Variants in PTPN6 observed in about 807,000 individuals in gnomAD.
The protein encoded by PTPN6 is protein tyrosine phosphatase non-receptor type 6.
Under a neutral mutation model 81.5 loss-of-function variants are expected in PTPN6, and 18 were observed. The ratio of observed to expected loss-of-function variants is 0.22; its 90% CI spans 0.15 to 0.33. The LOEUF (loss-of-function observed/expected upper bound fraction) is 0.33. PTPN6 is among the 10% of genes least tolerant of loss of function. The pLI is 1.00. For missense variants in PTPN6, 500 were observed against 794.2 expected (o/e 0.63, Z 4.45); for synonymous variants, 301 against 310.9 (o/e 0.97, Z 0.33).
rs2138259682 is a variant in PTPN6 at position 6,951,810 on chromosome 12, TC to T, written c.131+83del. Reference sequence around the variant, plus strand: ...AGGCCCTGAACCACTCATTCCTGGTTCCCCGTGGCAGTGCTGACTCCCCGTC... The same window carrying T: ...AGGCCCTGAACCACTCATTCCTGGTTCCCGTGGCAGTGCTGACTCCCCGTC... On this transcript the variant is annotated intron_variant, in intron 2 of 15. Coordinates refer to ENST00000318974, the MANE Select transcript of PTPN6 (RefSeq NM_002831.6). This position sits in a 1 kb window ranked among gnomAD's most constrained non-coding sequence, Gnocchi z 7.2. 4.4e-6 allele frequency: 7 copies of T among 1,600,286 alleles called. No individual in the cohort carries two copies. The highest frequency in any genetic ancestry group is 1.7e-5 in the Admixed American group (1 of 60,008).
In PTPN6 at chr12:6,956,976, A is replaced by T. The variant is rs1375438397; in HGVS notation, c.1074+408A>T. Among the ~76,000 whole-genome samples, 1 of 152,018 alleles carries T rather than the reference A, an allele frequency of 6.6e-6. No individual in the cohort carries two copies. The highest frequency in any genetic ancestry group is 1.5e-5 in the Non-Finnish European group (1 of 68,000). On this transcript the variant is annotated intron_variant, in intron 9 of 15. Transcript: ENST00000318974. The surrounding 1 kb of genome is among the most constrained non-coding windows in gnomAD (Gnocchi z 4.1). ...TGGGTCAAGTTCCTTCCTTTCTGAA[A>T]TCTCTTCCATGGCTCCTGGTCACCT...
rs1555149738 is a variant in PTPN6 at position 6,960,672 on chromosome 12, G to A, written c.1674-134G>A. ...AGCCTCTGTCCTCTAGGAGCTTGGA[G>A]TCTAGTGCAGGGACCGTGGCTGCGT... is the stretch of plus-strand genomic sequence containing the variant. On this transcript the variant is annotated intron_variant, in intron 14 of 15. Coordinates refer to ENST00000318974, the MANE Select transcript of PTPN6 (RefSeq NM_002831.6). This position sits in a 1 kb window ranked among gnomAD's most constrained non-coding sequence, Gnocchi z 6.1. 1.3e-6 allele frequency: 2 copies of A among 1,551,188 alleles called. No homozygotes were observed. Among genetic ancestry groups the A allele is most frequent in the South Asian group, 2.4e-5 (2 of 84,052 alleles).
At chr12:6,946,772 C>T (rs781960490), upstream of PTPN6, 6 of 1,601,666 alleles carry the variant, frequency 3.7e-6, no homozygotes, top group African/African-American at 1.3e-5. Flanking sequence ...GTCCCAGTCT[C>T]CTGTTAGTTT....
upstream of PTPN6, among the ~76,000 whole-genome samples, chr12:6,948,641 AAAG>A (rs1252103467): frequency 6.6e-6 from 1 of 151,936 alleles, no homozygotes; most frequent in Non-Finnish European, 1.5e-5. Flanking sequence ...TCGAAAGAAA[AAAG>A]AAAAAGTGAC....
chr12:6,959,057 G>T lies in PTPN6; in HGVS notation c.1362-870G>T, dbSNP rs1175343567. On this transcript the variant is annotated intron_variant, in intron 11 of 15. Coordinates refer to ENST00000318974, the MANE Select transcript of PTPN6 (RefSeq NM_002831.6). The surrounding 1 kb of genome is among the most constrained non-coding windows in gnomAD (Gnocchi z 6.6). ...GACCCCAGGCCTGCGACGGCCTCTG[G>T]CTTCCTCCTCTTCCCCCAGCAGCTG... 6.6e-6 allele frequency among the ~76,000 whole-genome samples: 1 copy of T among 152,220 alleles called. No individual in the cohort carries two copies. The highest frequency in any genetic ancestry group is 1.5e-5 in the Non-Finnish European group (1 of 68,044).
At chr12:6,947,629 A>G (rs1945847967), upstream of PTPN6, among the ~76,000 whole-genome samples, 1 of 150,766 alleles carries the variant, frequency 6.6e-6, no homozygotes, top group African/African-American at 2.4e-5. Flanking sequence ...TGATTGCACC[A>G]CTGCACACCA....
At chr12:6,951,129 C>T (rs1190885431), upstream of PTPN6, 2 of 885,678 alleles carry the variant, frequency 2.3e-6, no homozygotes, top group Non-Finnish European at 3.1e-6. This position sits in a 1 kb window ranked among gnomAD's most constrained non-coding sequence, Gnocchi z 7.2. Context: ...CTGGAGTGTG[C>T]AAGGCACACA....
In PTPN6 at chr12:6,960,794, A is replaced by C; in HGVS notation, c.1674-12A>C. 1 of 1,555,904 alleles carries C rather than the reference A, an allele frequency of 6.4e-7. No homozygotes were observed. The highest frequency in any genetic ancestry group is 2.4e-5 in the East Asian group (1 of 41,336). ...CAACTGCCTGTACTTGCCCCCCTGCACCCGGCTGCAGACACAAGGAGGATG... is the reference window on the plus strand; with the variant it reads ...CAACTGCCTGTACTTGCCCCCCTGCCCCCGGCTGCAGACACAAGGAGGATG... On this transcript the variant is annotated splice_polypyrimidine_tract_variant and intron_variant, in intron 14 of 15. Coordinates refer to ENST00000318974, the MANE Select transcript of PTPN6 (RefSeq NM_002831.6). This position sits in a 1 kb window ranked among gnomAD's most constrained non-coding sequence, Gnocchi z 6.1.
rs1555149599 is a variant in PTPN6, at chr12:6,960,347, C to T, written c.1585C>T (p.Gln529Ter). 6.2e-7 allele frequency: 1 copy of T among 1,613,338 alleles called. No individual in the cohort carries two copies. Among genetic ancestry groups the T allele is most frequent in the Non-Finnish European group, 8.5e-7 (1 of 1,179,966 alleles). Residue 529 changes from glutamine (Q) to a stop codon, truncating the protein, a stop_gained, in exon 14 of 16, where the codon CAG becomes TAG. Coordinates refer to ENST00000318974, the MANE Select transcript of PTPN6 (RefSeq NM_002831.6). LOFTEE classifies it high-confidence loss of function. The surrounding 1 kb of genome is among the most constrained non-coding windows in gnomAD (Gnocchi z 6.1). The part of the protein sequence containing the change: ...TKKKLEVLQS[Q>*]KGQESEYGNI... ...CCCACTGTCCCTCTGCCCACAGTCG[C>T]AGAAGGGCCAGGAGTCGGAGTACGG...
In PTPN6 at chr12:6,952,423, G is replaced by T; in HGVS notation, c.326+246G>T. ...ACAGAAAGCTGCCTCGCCCTACTCC[G>T]GGAGCCCTGGCCGCTGCAACCCAGG... is the stretch of plus-strand genomic sequence containing the variant. On this transcript the variant is annotated intron_variant, in intron 3 of 15. Transcript: ENST00000318974. This position sits in a 1 kb window ranked among gnomAD's most constrained non-coding sequence, Gnocchi z 8.1. 1.7e-6 allele frequency: 1 copy of T among 574,478 alleles called. No homozygotes were observed. The highest frequency in any genetic ancestry group is 3.1e-6 in the Non-Finnish European group (1 of 322,386). The allele number at this position is 574,478 out of a possible 1,614,324, so 35.6% of individuals were successfully genotyped here. A position where few individuals can be genotyped will look rare whatever the true frequency, so the allele number is the denominator to read the frequency against.
upstream of PTPN6, chr12:6,946,830 G>A (rs2138246869): frequency 7.3e-7 from 1 of 1,366,564 alleles, no homozygotes; most frequent in Non-Finnish European, 1.0e-6. Flanking sequence ...GTGTGTGAAC[G>A]TGAGTGCGAT....
Position 6,952,289 on chromosome 12 carries a change from C to T in PTPN6, c.326+112C>T. ...CGGCGCTGCCTACCCTCCATCCCCT[C>T]CCCTCCCTGCACCAGCTGGGGCTCT... On this transcript the variant is annotated intron_variant, in intron 3 of 15. Coordinates refer to ENST00000318974, the MANE Select transcript of PTPN6 (RefSeq NM_002831.6). The surrounding 1 kb of genome is among the most constrained non-coding windows in gnomAD (Gnocchi z 8.1). 3 of 1,301,916 alleles carry T rather than the reference C, an allele frequency of 2.3e-6. No homozygotes were observed. Among genetic ancestry groups the T allele is most frequent in the Non-Finnish European group, 3.3e-6 (3 of 911,990 alleles). 80.6% of individuals were successfully genotyped at this position (1,301,916 alleles called of 1,614,324 possible).
chr12:6,957,508 C>T lies in PTPN6; in HGVS notation c.1075-146C>T, dbSNP rs1289879622. On this transcript the variant is annotated intron_variant, in intron 9 of 15. Coordinates refer to ENST00000318974, the MANE Select transcript of PTPN6 (RefSeq NM_002831.6). The surrounding 1 kb of genome is among the most constrained non-coding windows in gnomAD (Gnocchi z 6.5). ...TTGGTGGTTGATCTGAGACGAGAGC[C>T]CAGGTCTCCTGCCTCTCTGCCAGCC... 1.8e-6 allele frequency: 2 copies of T among 1,093,268 alleles called. No homozygotes were observed. The highest frequency in any genetic ancestry group is 3.1e-5 in the African/African-American group (2 of 64,376). The allele number at this position is 1,093,268 out of a possible 1,614,324, so 67.7% of individuals were successfully genotyped here.
At position 6,957,830 on chromosome 12, in the gene PTPN6, G is replaced by A; in HGVS notation, c.1206+45G>A. 1 of 1,614,070 alleles carries A rather than the reference G, an allele frequency of 6.2e-7. No homozygotes were observed. The highest frequency in any genetic ancestry group is 8.5e-7 in the Non-Finnish European group (1 of 1,180,008). On this transcript the variant is annotated intron_variant, in intron 10 of 15. Transcript: ENST00000318974. The surrounding 1 kb of genome is among the most constrained non-coding windows in gnomAD (Gnocchi z 6.5). ...TGCCCCATTCCGGGAGTCCCTCCCT[G>A]GACTTGTTCTCCTCTCTGGTCGGGT...
At position 6,957,066 on chromosome 12, in the gene PTPN6, G is replaced by A. The variant is rs140918339; in HGVS notation, c.1074+498G>A. On this transcript the variant is annotated intron_variant, in intron 9 of 15. Transcript: ENST00000318974. The surrounding 1 kb of genome is among the most constrained non-coding windows in gnomAD (Gnocchi z 6.5). ...CTGGTGGCTTCCCTCTGACCCGCAC[G>A]CTTCTCTTGAAGGCTCACCGCCCCC... Among the ~76,000 whole-genome samples, 3 of 152,276 alleles carry A rather than the reference G, an allele frequency of 2.0e-5. No homozygotes were observed. Among genetic ancestry groups the A allele is most frequent in the East Asian group, 3.9e-4 (2 of 5,186 alleles).
upstream of PTPN6, chr12:6,946,701 G>A (rs368780606): frequency 3.1e-6 from 5 of 1,609,140 alleles, no homozygotes; most frequent in African/African-American, 5.3e-5. Flanking sequence ...GCCCTCTGCC[G>A]TGGCTTCCCC....
upstream of PTPN6, chr12:6,951,245 C>G (rs781925028): frequency 9.1e-6 from 13 of 1,434,784 alleles, no homozygotes; most frequent in Admixed American, 2.2e-4. This position sits in a 1 kb window ranked among gnomAD's most constrained non-coding sequence, Gnocchi z 7.2. Flanking sequence ...CAGTGCCACC[C>G]TGCTCTGCTT....
rs781976798 is a variant in PTPN6 at position 6,960,268 on chromosome 12, G to A, written c.1581+29G>A. ...CGTGCAGAGCAGGGCCTGGGGGGGGGGGGGGCTGCAGTGCAGGATGGGTGC... is the reference window on the plus strand; with the variant it reads ...CGTGCAGAGCAGGGCCTGGGGGGGGAGGGGGCTGCAGTGCAGGATGGGTGC... On this transcript the variant is annotated intron_variant, in intron 13 of 15. Transcript: ENST00000318974. The surrounding 1 kb of genome is among the most constrained non-coding windows in gnomAD (Gnocchi z 6.1). 65 of 1,606,634 alleles carry A rather than the reference G, an allele frequency of 4.0e-5. 1 individual carries two copies. Among genetic ancestry groups the A allele is most frequent in the Admixed American group, 8.4e-5 (5 of 59,810 alleles).
Position 6,957,629 on chromosome 12 carries a change from T to TGGCCCC in PTPN6, c.1075-25_1075-24insGGCCCC. 13 of 1,521,426 alleles carry TGGCCCC rather than the reference T, an allele frequency of 8.5e-6. No individual in the cohort carries two copies. Among genetic ancestry groups the TGGCCCC allele is most frequent in the Middle Eastern group, 1.8e-4 (1 of 5,482 alleles). The allele number at this position is 1,521,426 out of a possible 1,614,324, so 94.2% of individuals were successfully genotyped here. A position where few individuals can be genotyped will look rare whatever the true frequency, so the allele number is the denominator to read the frequency against. On this transcript the variant is annotated intron_variant, in intron 9 of 15. Coordinates refer to ENST00000318974, the MANE Select transcript of PTPN6 (RefSeq NM_002831.6). This position sits in a 1 kb window ranked among gnomAD's most constrained non-coding sequence, Gnocchi z 6.5. ...CCACAGTGCCCTGCTCTGTGCCTCATCCCCACCCGACCCTCCCTTTCCAGA... is the reference window on the plus strand; with the variant it reads ...CCACAGTGCCCTGCTCTGTGCCTCATGGCCCCCCCCACCCGACCCTCCCTTTCCAGA...
Sources: gnomAD v4.1 joint callset for allele counts (sites outside exome capture counted in the v4.1 genomes callset) on GRCh38, gnomAD v4.1.1 for gene constraint, Gnocchi (gnomAD v3.1) non-coding constraint, MANE v1.5 for transcripts, NCBI Gene and HGNC (gene_info 2026-07-23, HGNC 2026-07-21) for gene names.